Variants in RASA3 observed in about 807,000 individuals in gnomAD.
RASA3 encodes ras GTPase-activating protein 3.
Under a neutral mutation model 110.0 loss-of-function variants are expected in RASA3, and 73 were observed. The observed-to-expected ratio is 0.66, with a 90% CI of 0.55 to 0.81. The LOEUF is 0.81. Among genes scored for constraint, RASA3 ranks in the 30% least tolerant of loss-of-function variants. RASA3 has a pLI of 0.00. For missense variants in RASA3, 976 were observed against 1,113.2 expected (o/e 0.88, Z 1.75); for synonymous variants, 500 against 451.4 (o/e 1.11, Z -1.37).
At chr13:114,038,649 G>A (rs1217702649) in intron 4 of RASA3, among the ~76,000 whole-genome samples, 1 of 152,186 alleles carries the variant, frequency 6.6e-6, no homozygotes, top group Non-Finnish European at 1.5e-5. Flanking sequence ...TCATGACCTT[G>A]GCAAATGGCA....
At chr13:114,100,143 C>T (rs1374980242) in intron 1 of RASA3, among the ~76,000 whole-genome samples, 1 of 151,364 alleles carries the variant, frequency 6.6e-6, no homozygotes, top group East Asian at 2.0e-4. Flanking sequence ...AAACTCTGCG[C>T]AATAGGAAGA....
chr13:114,104,994 C>T (rs557633785), intron 1 of RASA3, among the ~76,000 whole-genome samples: 52 of 152,060 alleles, frequency 3.4e-4, no homozygotes, highest in Admixed American at 1.8e-3. Context: ...CCCAGGCTCT[C>T]GGCCCCCCGA....
At chr13:114,050,370 G>A (rs1171662662) in intron 3 of RASA3, among the ~76,000 whole-genome samples, 4 of 152,242 alleles carry the variant, frequency 2.6e-5, no homozygotes, top group Admixed American at 6.5e-5. Context: ...CAGTGTTCCC[G>A]CTCAAAATGA....
chr13:113,998,536 G>A (rs962802372), intron 20 of RASA3, among the ~76,000 whole-genome samples: 3 of 152,308 alleles, frequency 2.0e-5, no homozygotes, highest in Non-Finnish European at 4.4e-5. Flanking sequence ...GTCAGGGTAC[G>A]GGGTCAGCCT....
At chr13:114,087,503 C>T (rs985826577) in intron 1 of RASA3, among the ~76,000 whole-genome samples, 3 of 152,228 alleles carry the variant, frequency 2.0e-5, no homozygotes, top group Non-Finnish European at 2.9e-5. Context: ...TTGAAATGAG[C>T]AAGTTTCCAG....
chr13:114,042,285 G>A (rs1212074680), intron 3 of RASA3, among the ~76,000 whole-genome samples: 1 of 152,176 alleles, frequency 6.6e-6, no homozygotes, highest in Non-Finnish European at 1.5e-5. Flanking sequence ...AGTGGCCTCC[G>A]CACACTGCGG....
At chr13:114,027,734 C>T in intron 6 of RASA3, 113 bp downstream of exon 6, 2 of 1,159,588 alleles carry the variant, frequency 1.7e-6, no homozygotes, top group Admixed American at 1.8e-5. Context: ...CACATTCTAC[C>T]TCAAAGCGCA....
intron 4 of RASA3, among the ~76,000 whole-genome samples, chr13:114,039,958 T>C (rs572258863): frequency 6.6e-6 from 1 of 152,290 alleles, no homozygotes; most frequent in Admixed American, 6.5e-5. Flanking sequence ...CTCAGACCCT[T>C]CTTGGTGCCG....
chr13:114,077,257 C>T (rs1009783277), intron 1 of RASA3, among the ~76,000 whole-genome samples: 3 of 152,190 alleles, frequency 2.0e-5, no homozygotes, highest in African/African-American at 7.2e-5. Context: ...GCCGGATCCC[C>T]CTGCGCTGGC....
chr13:114,110,295 G>A (rs1231257448), intron 1 of RASA3, among the ~76,000 whole-genome samples: 2 of 152,182 alleles, frequency 1.3e-5, no homozygotes, highest in Non-Finnish European at 2.9e-5. Flanking sequence ...AGACAGACCC[G>A]GGCCCCTGAC....
chr13:114,012,574 A>C (rs1353348465), intron 15 of RASA3, among the ~76,000 whole-genome samples: 4 of 98,620 alleles, frequency 4.1e-5, no homozygotes, highest in African/African-American at 1.3e-4. Flanking sequence ...TTCCACACAC[A>C]CTCCCCATTC....
rs560345407 is a variant in RASA3 at position 114,018,043 on chromosome 13, G to A, written c.1091+61C>T. On this transcript the variant is annotated intron_variant, in intron 11 of 23. Transcript: ENST00000334062. ...CCCAGGACACGTGGTTCTCGGCGAC[G>A]ACCTTGCCATCCCTGTAGCGGGTCC... 2.0e-5 allele frequency: 29 copies of A among 1,417,880 alleles called. No homozygotes were observed. The Admixed American group carries it at 5.7e-4, about 28-fold the overall frequency. The allele number at this position is 1,417,880 out of a possible 1,614,324, so 87.8% of individuals were successfully genotyped here. A position where few individuals can be genotyped will look rare whatever the true frequency, so the allele number is the denominator to read the frequency against.
rs560255878 is a variant in RASA3, at chr13:114,048,090, C to T, written c.277+3962G>A. 2.2e-4 allele frequency among the ~76,000 whole-genome samples: 34 copies of T among 152,106 alleles called. No individual in the cohort carries two copies. The South Asian group carries it at 7.1e-3, about 32-fold the overall frequency. On this transcript the variant is annotated intron_variant, in intron 3 of 23. Coordinates refer to ENST00000334062, the MANE Select transcript of RASA3 (RefSeq NM_007368.4). The surrounding 1 kb of genome is among the most constrained non-coding windows in gnomAD (Gnocchi z 4.3). The stretch of plus-strand genomic sequence containing the variant: ...CAGCACTTTGGGAGGCCGAGGTGGG[C>T]GGATCACGAGGTCAGGAGATAGAGA...
At chr13:114,021,333 C>T in intron 9 of RASA3, 71 bp downstream of exon 9, 1 of 1,385,846 alleles carries the variant, frequency 7.2e-7, no homozygotes, top group Non-Finnish European at 1.0e-6. Flanking sequence ...CTGTGCCTTT[C>T]CACTCAGAGG....
At chr13:114,033,231 C>T (rs2054210950) in intron 4 of RASA3, among the ~76,000 whole-genome samples, 1 of 111,382 alleles carries the variant, frequency 9.0e-6, no homozygotes, top group Non-Finnish European at 1.9e-5. Context: ...ACACTTGACA[C>T]CACGTTCCAC....
intron 20 of RASA3, among the ~76,000 whole-genome samples, chr13:113,997,092 C>T (rs891582294): frequency 8.5e-5 from 13 of 152,308 alleles, no homozygotes; most frequent in African/African-American, 2.6e-4. Flanking sequence ...GGCCTCCCCA[C>T]AAGGCCCTCC....
chr13:114,041,023 C>T lies in RASA3; in HGVS notation c.349G>A (p.Val117Met), dbSNP rs770515590. Residue 117 changes from valine (V) to methionine (M), a missense_variant, in exon 4 of 24, where the codon GTG becomes ATG. Physicochemically the swap from Val to Met is conservative, Grantham distance 21. Around this residue, in one of 4 missense-constraint regions of RASA3, gnomAD observed 732 missense variants for 779.7 expected, o/e 0.94. Coordinates refer to ENST00000334062, the MANE Select transcript of RASA3 (RefSeq NM_007368.4). ...NRDTWFQLQHVDADSEVQGKV... is the reference protein window; with the variant it reads ...NRDTWFQLQHMDADSEVQGKV... ...ACCTGCACTTCCGAGTCAGCGTCCA[C>T]GTGCTGCAGCTGGAACCAGGTGTCC... The T allele has an allele frequency of 3.1e-6, 5 of 1,613,788 alleles. No individual in the cohort carries two copies. The highest frequency in any genetic ancestry group is 2.2e-5 in the East Asian group (1 of 44,882).
At position 114,114,688 on chromosome 13, in the gene RASA3, T is replaced by C; in HGVS notation, c.55+17747A>G. Among the ~76,000 whole-genome samples, 1 of 152,226 alleles carries C rather than the reference T, an allele frequency of 6.6e-6. No individual in the cohort carries two copies. The highest frequency in any genetic ancestry group is 1.9e-4 in the East Asian group (1 of 5,194). On this transcript the variant is annotated intron_variant, in intron 1 of 23. Coordinates refer to ENST00000334062, the MANE Select transcript of RASA3 (RefSeq NM_007368.4). The surrounding 1 kb of genome is among the most constrained non-coding windows in gnomAD (Gnocchi z 4.8). ...TTTTTCTTCATCCTTCGCCGACCTT[T>C]GTTTATGGGTAACCCTTGATAACAT... is the stretch of plus-strand genomic sequence containing the variant.
Position 113,996,629 on chromosome 13 carries a change from C to T in RASA3, c.2043G>A (p.Lys681=), listed in dbSNP as rs753788306. Residue 681 remains lysine, a synonymous_variant, in exon 21 of 24, where the codon AAG becomes AAA. Transcript: ENST00000334062. ...CGGACGGGTGGTAGACGGTGAGGCG[C>T]TTCTGGTTGCACTGGCTCACTTTGG... ...ILTKVSQCNQ[K]RLTVYHPSAY... The T allele has an allele frequency of 4.3e-6, 7 of 1,613,648 alleles. No individual in the cohort carries two copies. Among genetic ancestry groups the T allele is most frequent in the Non-Finnish European group, 5.9e-6 (7 of 1,180,042 alleles).
Sources: gnomAD v4.1 joint callset for allele counts (sites outside exome capture counted in the v4.1 genomes callset) on GRCh38, gnomAD v4.1.1 for gene constraint, gnomAD v4.1.1 regional missense constraint, Gnocchi (gnomAD v3.1) non-coding constraint, MANE v1.5 for transcripts, NCBI Gene and HGNC (gene_info 2026-07-23, HGNC 2026-07-21) for gene names.